TMEM117: variants seen among roughly 807,000 people sequenced by gnomAD.
TMEM117 encodes the protein transmembrane protein 117.
Under a neutral mutation model 52.4 loss-of-function variants are expected in TMEM117, and 27 were observed. That is an observed-to-expected ratio of 0.51 (90% CI 0.38 to 0.71). The LOEUF (loss-of-function observed/expected upper bound fraction) is 0.71. TMEM117 is among the 30% of genes least tolerant of loss of function. The pLI, the probability that TMEM117 is intolerant of heterozygous loss-of-function variation, is 0.00. For missense variants in TMEM117, 556 were observed against 630.5 expected, an observed-to-expected ratio of 0.88 and a Z score of 1.26; for synonymous variants, 215 against 206.3, an observed-to-expected ratio of 1.04 and a Z score of -0.36.
intron 4 of TMEM117, 131 bp from the exon 5 acceptor site, chr12:44,211,159 G>C (rs1199513394): frequency 1.5e-6 from 1 of 659,688 alleles, no homozygotes; most frequent in African/African-American, 1.9e-5. Context: ...CCTAATTTTT[G>C]TTTCTGCATA....
At chr12:43,798,460 C>T in the TMEM117 span, 14 of 1,145,460 alleles carry the variant, frequency 1.2e-5, no homozygotes, top group Non-Finnish European at 1.7e-5. Context: ...AGTGTTGCAA[C>T]AGAAAGTCCA....
intron 5 of TMEM117, among the ~76,000 whole-genome samples, chr12:44,274,641 A>G (rs1186439176): frequency 1.3e-5 from 2 of 152,168 alleles, no homozygotes; most frequent in Non-Finnish European, 2.9e-5. Context: ...GAACCCAGAA[A>G]CAAATTCATA....
Position 44,011,871 on chromosome 12 carries a change from T to C in TMEM117, c.410+67529T>C, listed in dbSNP as rs151096186. 5.8e-3 allele frequency among the ~76,000 whole-genome samples: 890 copies of C among 152,324 alleles called. 3 individuals are homozygous for C. The highest frequency in any genetic ancestry group is 9.6e-3 in the Non-Finnish European group (650 of 68,028). ...ATAAGTGAGAAGACTATTAAGTGACTATATACATTTATAGCATATAAACAT... is the reference window on the plus strand; with the variant it reads ...ATAAGTGAGAAGACTATTAAGTGACCATATACATTTATAGCATATAAACAT... On this transcript the variant is annotated intron_variant, in intron 3 of 7. Coordinates refer to ENST00000266534, the MANE Select transcript of TMEM117 (RefSeq NM_032256.3).
At chr12:44,086,940 T>A (rs1947578393) in intron 3 of TMEM117, among the ~76,000 whole-genome samples, 1 of 147,708 alleles carries the variant, frequency 6.8e-6, no homozygotes. Context: ...TTTATAATTA[T>A]AAATTATATA....
At chr12:44,276,358 T>C (rs1318384615) in intron 5 of TMEM117, among the ~76,000 whole-genome samples, 1 of 152,142 alleles carries the variant, frequency 6.6e-6, no homozygotes, top group East Asian at 1.9e-4. Context: ...TGAATAAAGT[T>C]GGAGGACAAT....
intron 3 of TMEM117, among the ~76,000 whole-genome samples, chr12:44,092,471 A>G (rs1415195358): frequency 1.3e-5 from 2 of 152,132 alleles, no homozygotes; most frequent in Non-Finnish European, 2.9e-5. Flanking sequence ...CCTAGGAGGT[A>G]GGAGATGAAA....
chr12:44,288,393 C>T (rs1032224947), intron 5 of TMEM117, among the ~76,000 whole-genome samples: 1 of 152,002 alleles, frequency 6.6e-6, no homozygotes, highest in African/African-American at 2.4e-5. Context: ...TTTAATTTCC[C>T]TTTGGAGTAA....
intron 3 of TMEM117, among the ~76,000 whole-genome samples, chr12:44,023,556 C>A (rs540063036): frequency 2.6e-5 from 4 of 151,864 alleles, no homozygotes; most frequent in Non-Finnish European, 5.9e-5. Flanking sequence ...GGTTTTGATT[C>A]GCATTTCTCT....
At chr12:44,356,260 T>G (rs1166406405) in intron 6 of TMEM117, among the ~76,000 whole-genome samples, 1 of 152,134 alleles carries the variant, frequency 6.6e-6, no homozygotes, top group Admixed American at 6.6e-5. Flanking sequence ...ATAAATGAAC[T>G]GCATTTGTTG....
At chr12:43,871,575 A>G (rs1445107506) in intron 2 of TMEM117, among the ~76,000 whole-genome samples, 1 of 152,060 alleles carries the variant, frequency 6.6e-6, no homozygotes, top group African/African-American at 2.4e-5. Context: ...CTGGAAATCA[A>G]CTCTGAATAA....
At chr12:44,323,772 G>A (rs80247642) in intron 6 of TMEM117, among the ~76,000 whole-genome samples, 7,310 of 152,150 alleles carry the variant, frequency 0.048, 362 homozygotes, top group African/African-American at 0.12. Context: ...TTACTACGGT[G>A]TGTCCCACTT....
intron 5 of TMEM117, among the ~76,000 whole-genome samples, chr12:44,283,145 G>A (rs1950598434): frequency 6.6e-6 from 1 of 152,246 alleles, no homozygotes; most frequent in African/African-American, 2.4e-5. Context: ...TTTGCTGCAG[G>A]GGCGAGGCCC....
At chr12:44,149,231 G>A (rs1351280896) in intron 4 of TMEM117, among the ~76,000 whole-genome samples, 1 of 152,220 alleles carries the variant, frequency 6.6e-6, no homozygotes, top group Admixed American at 6.5e-5. Flanking sequence ...CTCTGGGGCA[G>A]AAGGAAGCTG....
At chr12:44,279,053 A>G (rs2138588865) in intron 5 of TMEM117, among the ~76,000 whole-genome samples, 1 of 152,070 alleles carries the variant, frequency 6.6e-6, no homozygotes, top group East Asian at 1.9e-4. Flanking sequence ...AGTGCTTGAG[A>G]GTAGATATAT....
intron 5 of TMEM117, chr12:44,244,437 C>T (rs1950103802): frequency 6.6e-6 from 1 of 151,748 alleles, no homozygotes; most frequent in Non-Finnish European, 1.5e-5. Context: ...ACCCATAATC[C>T]AATAATTTTT....
intron 5 of TMEM117, among the ~76,000 whole-genome samples, chr12:44,232,498 A>G (rs1949946223): frequency 6.6e-6 from 1 of 151,480 alleles, no homozygotes; most frequent in South Asian, 2.1e-4. Flanking sequence ...CACATTTATT[A>G]TTGATATATG....
intron 3 of TMEM117, among the ~76,000 whole-genome samples, chr12:43,958,787 C>T (rs965715900): frequency 1.4e-5 from 1 of 69,004 alleles, no homozygotes; most frequent in African/African-American, 3.1e-5. Context: ...GTGTAAAATG[C>T]ATGGTTTCTT....
intron 5 of TMEM117, among the ~76,000 whole-genome samples, chr12:44,224,733 C>A (rs1159100343): frequency 6.6e-6 from 1 of 152,038 alleles, no homozygotes; most frequent in Non-Finnish European, 1.5e-5. Flanking sequence ...TTTTGAATAC[C>A]CTTTTAGTAA....
chr12:43,945,275 C>T (rs1945112752), intron 3 of TMEM117, among the ~76,000 whole-genome samples: 1 of 152,070 alleles, frequency 6.6e-6, no homozygotes, highest in Admixed American at 6.5e-5. Context: ...TATAATGAAA[C>T]ACAAGGATTG....
Sources: gnomAD v4.1 joint callset for allele counts (sites outside exome capture counted in the v4.1 genomes callset) on GRCh38, gnomAD v4.1.1 for gene constraint, MANE v1.5 for transcripts, NCBI Gene and HGNC (gene_info 2026-07-23, HGNC 2026-07-21) for gene names.